ARHGAP29: variants seen among roughly 807,000 people sequenced by gnomAD.
The protein encoded by ARHGAP29 is Rho GTPase activating protein 29, also known as rho GTPase-activating protein 29.
In ARHGAP29, 43 loss-of-function variants were observed where a neutral mutation model predicts 122.6. The ratio of observed to expected loss-of-function variants is 0.35; its 90% CI spans 0.27 to 0.45. The LOEUF is 0.45. Among genes scored for constraint, ARHGAP29 ranks in the 20% least tolerant of loss-of-function variants. The pLI, the probability that ARHGAP29 is intolerant of heterozygous loss-of-function variation, is 1.00. For synonymous variants in ARHGAP29, 506 were observed against 497.1 expected (o/e 1.02, Z -0.24); for missense variants, 1,303 against 1,477.2 (o/e 0.88, Z 1.93).
Position 94,170,108 on chromosome 1 carries a change from T to C in ARHGAP29, c.*3761A>G, listed in dbSNP as rs1295962292. Among the ~76,000 whole-genome samples the C allele has an allele frequency of 6.6e-6, 1 of 152,240 alleles. No individual in the cohort carries two copies. The highest frequency in any genetic ancestry group is 1.5e-5 in the Non-Finnish European group (1 of 68,046). On this transcript the variant is annotated 3_prime_UTR_variant, in exon 23 of 23. Transcript: ENST00000260526. ...AATAGACTAGCCCGTGACAATTCGA[T>C]GAGAAACAATACATTTACAATCTTT...
the ARHGAP29 span, among the ~76,000 whole-genome samples, chr1:94,314,100 T>G: frequency 6.6e-6 from 1 of 152,212 alleles, no homozygotes; most frequent in Admixed American, 6.5e-5. Flanking sequence ...GTTGTGCACA[T>G]GTACCCTAGA....
At chr1:94,227,165 C>A (rs1652660736) in intron 2 of ARHGAP29, among the ~76,000 whole-genome samples, 2 of 151,664 alleles carry the variant, frequency 1.3e-5, no homozygotes, top group Admixed American at 6.6e-5. Context: ...TTTATTCAAC[C>A]TAACTGTTCA....
the ARHGAP29 span, among the ~76,000 whole-genome samples, chr1:94,310,900 C>A: frequency 6.6e-6 from 1 of 152,172 alleles, no homozygotes; most frequent in Non-Finnish European, 1.5e-5. Flanking sequence ...CTGCTGTTTT[C>A]TTCCATGTGG....
intron 1 of ARHGAP29, among the ~76,000 whole-genome samples, chr1:94,270,439 G>A (rs956660783): frequency 8.5e-5 from 13 of 152,298 alleles, no homozygotes; most frequent in Admixed American, 5.2e-4. Context: ...CCAGGTACCC[G>A]GAACTACCCA....
upstream of ARHGAP29, among the ~76,000 whole-genome samples, chr1:94,239,246 T>A (rs900168495): frequency 2.6e-5 from 4 of 152,158 alleles, no homozygotes; most frequent in African/African-American, 9.7e-5. Context: ...CAACTACGAT[T>A]CAATCATAAG....
At chr1:94,309,636 A>G in the ARHGAP29 span, among the ~76,000 whole-genome samples, 20 of 152,326 alleles carry the variant, frequency 1.3e-4, no homozygotes, top group African/African-American at 4.8e-4. Flanking sequence ...GAGCAGATGT[A>G]TATGCTAAAG....
chr1:94,174,875 C>A, intron 22 of ARHGAP29, 126 bp from the exon 23 acceptor site: 1 of 1,071,532 alleles, frequency 9.3e-7, no homozygotes, highest in Non-Finnish European at 1.3e-6. Context: ...ATAATATTCT[C>A]AGTTACCTAT....
At position 94,203,127 on chromosome 1, in the gene ARHGAP29, T is replaced by C. The variant is rs1319510042; in HGVS notation, c.846A>G (p.Ala282=). The C allele has an allele frequency of 1.2e-6, 2 of 1,613,340 alleles. No homozygotes were observed. The highest frequency in any genetic ancestry group is 1.1e-5 in the South Asian group (1 of 90,878). ...GCACAAATTTGTTAGCCTGGAGAGCTGCAATTGTTTGTTGTAAAAGGTGAC... is the reference window on the plus strand; with the variant it reads ...GCACAAATTTGTTAGCCTGGAGAGCCGCAATTGTTTGTTGTAAAAGGTGAC... The part of the protein sequence containing the change: ...ESSHLLQQTI[A]ALQANKFVQP... The change falls in exon 9 of 23, where the codon GCA becomes GCG. Residue 282 remains alanine (A), a synonymous_variant. Transcript: ENST00000260526.
Position 94,198,409 on chromosome 1 carries a change from T to G in ARHGAP29, c.1281+3311A>C, listed in dbSNP as rs189823906. On this transcript the variant is annotated intron_variant, in intron 12 of 22. Coordinates refer to ENST00000260526, the MANE Select transcript of ARHGAP29 (RefSeq NM_004815.4). The stretch of plus-strand genomic sequence containing the variant: ...TTGCTTGAGCCCAGGAGGGTGAGGC[T>G]GCAGTGAGCTATGATCACACCACTG... Among the ~76,000 whole-genome samples the G allele has an allele frequency of 5.1e-4, 78 of 152,230 alleles. 1 individual carries two copies. Among genetic ancestry groups the G allele is most frequent in the African/African-American group, 1.6e-3 (67 of 41,544 alleles).
intron 1 of ARHGAP29, among the ~76,000 whole-genome samples, chr1:94,257,708 CAAGAAG>C (rs900989736): frequency 4.6e-5 from 7 of 151,952 alleles, no homozygotes; most frequent in African/African-American, 1.7e-4. Flanking sequence ...GATCCTGTCT[CAAGAAG>C]AAGAAGGAGA....
At chr1:94,264,869 G>T (rs191036552) in intron 1 of ARHGAP29, among the ~76,000 whole-genome samples, 1 of 152,150 alleles carries the variant, frequency 6.6e-6, no homozygotes, top group Admixed American at 6.5e-5. Flanking sequence ...TTTAATCTTG[G>T]TCTCTTATTG....
At chr1:94,260,507 C>T (rs1570617688) in intron 1 of ARHGAP29, among the ~76,000 whole-genome samples, 1 of 152,116 alleles carries the variant, frequency 6.6e-6, no homozygotes, top group East Asian at 1.9e-4. Context: ...CGTCTGTAGG[C>T]CTGTCAGTGT....
At chr1:94,231,087 C>T (rs1245060025) in intron 2 of ARHGAP29, among the ~76,000 whole-genome samples, 1 of 152,032 alleles carries the variant, frequency 6.6e-6, no homozygotes, top group Non-Finnish European at 1.5e-5. Context: ...AATCAATGCA[C>T]TGTGTTACCA....
intron 1 of ARHGAP29, among the ~76,000 whole-genome samples, chr1:94,265,515 C>A (rs1436026471): frequency 6.6e-6 from 1 of 152,148 alleles, no homozygotes; most frequent in Non-Finnish European, 1.5e-5. Context: ...AGGGACATAC[C>A]TTGGGAAGGA....
chr1:94,180,553 A>T (rs1649389030), intron 19 of ARHGAP29, among the ~76,000 whole-genome samples: 2 of 152,180 alleles, frequency 1.3e-5, no homozygotes, highest in Admixed American at 1.3e-4. Context: ...GATGAAACAC[A>T]GGGTACCTCT....
chr1:94,206,976 T>TAG (rs1043127714), intron 5 of ARHGAP29, among the ~76,000 whole-genome samples: 4 of 149,856 alleles, frequency 2.7e-5, no homozygotes, highest in Non-Finnish European at 4.4e-5. Flanking sequence ...AATATATATA[T>TAG]ATAGAGAGAG....
At chr1:94,239,801 C>T (rs1342527418), upstream of ARHGAP29, among the ~76,000 whole-genome samples, 2 of 152,102 alleles carry the variant, frequency 1.3e-5, no homozygotes, top group Non-Finnish European at 2.9e-5. Flanking sequence ...CATAAGAATC[C>T]AAGGCTCCTT....
rs1223507360 is a variant in ARHGAP29 at position 94,184,939 on chromosome 1, G to A, written c.2042C>T (p.Pro681Leu). ...TTTGAGTATAAAAGGGATACCATCT[G>A]GTTCCTTTTTTGCAACTTGTGTGAA... is the stretch of plus-strand genomic sequence containing the variant. Reference protein sequence around the residue: ...AEFTQVAKKEPDGIPFILKIC... With the variant: ...AEFTQVAKKELDGIPFILKIC... Residue 681 changes from proline (P) to leucine (L), a missense_variant, in exon 18 of 23, where the codon CCA becomes CTA. By Grantham distance (98) the Pro-to-Leu change is moderately conservative. Around this residue, in one of 3 missense-constraint regions of ARHGAP29, gnomAD observed 91 missense variants for 177.8 expected, o/e 0.51. Coordinates refer to ENST00000260526, the MANE Select transcript of ARHGAP29 (RefSeq NM_004815.4). 1.2e-6 allele frequency: 2 copies of A among 1,613,330 alleles called. No homozygotes were observed. Among genetic ancestry groups the A allele is most frequent in the South Asian group, 1.1e-5 (1 of 90,982 alleles).
chr1:94,298,858 A>G, the ARHGAP29 span, among the ~76,000 whole-genome samples: 78 of 152,236 alleles, frequency 5.1e-4, 2 homozygotes, highest in Non-Finnish European at 2.1e-4. Context: ...AAGTAATAAT[A>G]AACTATAAAC....
Sources: gnomAD v4.1 joint callset for allele counts (sites outside exome capture counted in the v4.1 genomes callset) on GRCh38, gnomAD v4.1.1 for gene constraint, gnomAD v4.1.1 regional missense constraint, MANE v1.5 for transcripts, NCBI Gene and HGNC (gene_info 2026-07-23, HGNC 2026-07-21) for gene names.